INPP4B: variants seen among roughly 807,000 people sequenced by gnomAD.
The protein encoded by INPP4B is inositol polyphosphate 4-phosphatase type II.
In INPP4B, 55 loss-of-function variants were observed where a neutral mutation model predicts 122.5. The ratio of observed to expected loss-of-function variants is 0.45; its 90% CI spans 0.36 to 0.56. The LOEUF (loss-of-function observed/expected upper bound fraction) is 0.56. Ranked by LOEUF, INPP4B falls within the 20% of genes least tolerant of loss-of-function variation. The probability of loss-of-function intolerance (pLI) is 0.00; values close to 1 mark genes in which losing one functional copy is unlikely to be tolerated. For missense variants in INPP4B, 1,000 were observed against 1,097.7 expected (o/e 0.91, Z 1.26); for synonymous variants, 403 against 388.7 (o/e 1.04, Z -0.43).
intron 11 of INPP4B, among the ~76,000 whole-genome samples, chr4:142,258,769 G>A (rs1185177106): frequency 6.6e-6 from 1 of 152,150 alleles, no homozygotes; most frequent in Non-Finnish European, 1.5e-5. Flanking sequence ...CTGTAAACTA[G>A]TTCAATCATT....
At chr4:142,608,740 CAG>C (rs1408074498) in intron 2 of INPP4B, among the ~76,000 whole-genome samples, 3 of 152,192 alleles carry the variant, frequency 2.0e-5, no homozygotes, top group African/African-American at 7.2e-5. Context: ...AAAATCTCAA[CAG>C]AGTCTGCTGC....
chr4:142,288,805 A>C (rs1374252825), intron 9 of INPP4B, among the ~76,000 whole-genome samples: 1 of 152,138 alleles, frequency 6.6e-6, no homozygotes, highest in Admixed American at 6.5e-5. Context: ...TGGGGATAAT[A>C]ATATATTACC....
rs370648717 is a variant in INPP4B, at chr4:142,086,129, C to T, written c.2487+15G>A. 8.3e-6 allele frequency: 12 copies of T among 1,439,710 alleles called. No individual in the cohort carries two copies. The highest frequency in any genetic ancestry group is 1.2e-5 in the Non-Finnish European group (12 of 1,021,340). 89.2% of individuals were successfully genotyped at this position (1,439,710 alleles called of 1,614,324 possible). ...TGACATGGCAGGAAATAAGATTTGACATGAGAGTGCTTACCGTTGCAGCCA... is the reference window on the plus strand; with the variant it reads ...TGACATGGCAGGAAATAAGATTTGATATGAGAGTGCTTACCGTTGCAGCCA... On this transcript the variant is annotated intron_variant, in intron 24 of 25. Coordinates refer to ENST00000262992, the MANE Select transcript of INPP4B (RefSeq NM_001101669.3).
chr4:142,184,508 C>T (rs1198428535), intron 15 of INPP4B, among the ~76,000 whole-genome samples: 1 of 152,174 alleles, frequency 6.6e-6, no homozygotes, highest in Non-Finnish European at 1.5e-5. Flanking sequence ...CTTCTGCAGG[C>T]ATAGTCATTG....
intron 2 of INPP4B, among the ~76,000 whole-genome samples, chr4:142,488,224 C>T (rs747460354): frequency 1.3e-5 from 2 of 151,956 alleles, no homozygotes; most frequent in Non-Finnish European, 2.9e-5. Context: ...AATGTTGAAC[C>T]AATCTTGAAT....
At chr4:142,455,917 C>T (rs917809139) in intron 3 of INPP4B, among the ~76,000 whole-genome samples, 2 of 151,850 alleles carry the variant, frequency 1.3e-5, no homozygotes, top group African/African-American at 4.8e-5. Flanking sequence ...TGTTGAGTAC[C>T]TTTTCATATA....
At position 142,192,354 on chromosome 4, in the gene INPP4B, A is replaced by AAAAAAAAAAAAAAAAAAAAAAAAG. The variant is rs148371542; in HGVS notation, c.1181+732_1181+733insCTTTTTTTTTTTTTTTTTTTTTTT. 5.6e-4 allele frequency among the ~76,000 whole-genome samples: 41 copies of AAAAAAAAAAAAAAAAAAAAAAAAG among 73,176 alleles called. 9 individuals are homozygous for AAAAAAAAAAAAAAAAAAAAAAAAG. Among genetic ancestry groups the AAAAAAAAAAAAAAAAAAAAAAAAG allele is most frequent in the Non-Finnish European group, 8.1e-4 (29 of 35,796 alleles). The allele number at this position is 73,176 out of a possible 152,430, so 48.0% of individuals were successfully genotyped here. A position where few individuals can be genotyped will look rare whatever the true frequency, so the allele number is the denominator to read the frequency against. The stretch of plus-strand genomic sequence containing the variant: ...AAAGTAAAAAAAAAAAAAAAAAAAA[A>AAAAAAAAAAAAAAAAAAAAAAAAG]TGGGATTCTTAAGAAGAATAACTAT... On this transcript the variant is annotated intron_variant, in intron 15 of 25. Coordinates refer to ENST00000262992, the MANE Select transcript of INPP4B (RefSeq NM_001101669.3).
At chr4:142,068,384 A>C (rs61540188) in intron 25 of INPP4B, among the ~76,000 whole-genome samples, 1,853 of 152,348 alleles carry the variant, frequency 0.012, 34 homozygotes, top group African/African-American at 0.043. Flanking sequence ...AACATGCCAA[A>C]TTGTAAAGAC....
At chr4:142,667,867 A>C (rs1036999019) in intron 2 of INPP4B, among the ~76,000 whole-genome samples, 7 of 152,194 alleles carry the variant, frequency 4.6e-5, no homozygotes, top group Non-Finnish European at 7.3e-5. Flanking sequence ...TGGTCAAATA[A>C]AAAGCTATAA....
At position 142,751,034 on chromosome 4, in the gene INPP4B, C is replaced by G. The variant is rs532798494; in HGVS notation, c.-253-25133G>C. Among the ~76,000 whole-genome samples, 13 of 151,850 alleles carry G rather than the reference C, an allele frequency of 8.6e-5. No individual in the cohort carries two copies. In the South Asian group the frequency reaches 2.7e-3, roughly 32 times the overall value. Reference sequence around the variant, plus strand: ...CTAAATACAGTTATTGTAGAAAGACCTAAGTACACTGTAGCCAAATAGCAA... The same window carrying G: ...CTAAATACAGTTATTGTAGAAAGACGTAAGTACACTGTAGCCAAATAGCAA... On this transcript the variant is annotated intron_variant, in intron 1 of 25. Transcript: ENST00000262992.
At chr4:142,658,499 A>C (rs550517436) in intron 2 of INPP4B, among the ~76,000 whole-genome samples, 30 of 152,258 alleles carry the variant, frequency 2.0e-4, no homozygotes, top group Non-Finnish European at 3.8e-4. Flanking sequence ...TTTAAGAATT[A>C]AGCAAGGTAT....
intron 2 of INPP4B, among the ~76,000 whole-genome samples, chr4:142,648,731 C>T (rs1257755986): frequency 6.6e-6 from 1 of 152,228 alleles, no homozygotes; most frequent in Non-Finnish European, 1.5e-5. Flanking sequence ...CTATAGAATC[C>T]ACCTCTTTGG....
At chr4:142,279,551 AAT>A (rs869231448) in intron 9 of INPP4B, among the ~76,000 whole-genome samples, 10 of 138,380 alleles carry the variant, frequency 7.2e-5, no homozygotes, top group South Asian at 2.3e-4. Context: ...TTGGAAAAAA[AAT>A]AAACTCTGCT....
intron 7 of INPP4B, among the ~76,000 whole-genome samples, chr4:142,350,877 T>G (rs1781734966): frequency 6.6e-6 from 1 of 152,054 alleles, no homozygotes; most frequent in Non-Finnish European, 1.5e-5. Flanking sequence ...GCTGAGACTC[T>G]CAAAACCATG....
chr4:142,636,663 T>G (rs922261302), intron 2 of INPP4B, among the ~76,000 whole-genome samples: 2 of 152,014 alleles, frequency 1.3e-5, no homozygotes, highest in African/African-American at 4.8e-5. Context: ...TAACCTAAAA[T>G]GGTATACATG....
chr4:142,595,666 C>A (rs2150270291), intron 2 of INPP4B, among the ~76,000 whole-genome samples: 1 of 152,210 alleles, frequency 6.6e-6, no homozygotes, highest in South Asian at 2.1e-4. Flanking sequence ...TACAGTCACC[C>A]TGGCCAAGGT....
intron 2 of INPP4B, among the ~76,000 whole-genome samples, chr4:142,536,793 G>T (rs1024583254): frequency 6.6e-6 from 1 of 151,954 alleles, no homozygotes; most frequent in Admixed American, 6.6e-5. Flanking sequence ...CAGGACAACC[G>T]TTCTTTTTTT....
At chr4:142,643,162 T>G (rs533954042) in intron 2 of INPP4B, among the ~76,000 whole-genome samples, 1 of 152,254 alleles carries the variant, frequency 6.6e-6, no homozygotes, top group South Asian at 2.1e-4. Context: ...CTTAAGGAGA[T>G]TTTGGGCTGA....
At chr4:142,197,794 T>C (rs1437261382) in intron 14 of INPP4B, among the ~76,000 whole-genome samples, 1 of 152,164 alleles carries the variant, frequency 6.6e-6, no homozygotes, top group Non-Finnish European at 1.5e-5. Flanking sequence ...ATAAGATAAA[T>C]GTTATTTCCC....
Sources: gnomAD v4.1 joint callset for allele counts (sites outside exome capture counted in the v4.1 genomes callset) on GRCh38, gnomAD v4.1.1 for gene constraint, MANE v1.5 for transcripts, NCBI Gene and HGNC (gene_info 2026-07-23, HGNC 2026-07-21) for gene names.